The following PLVAP variants were observed in gnomAD, a reference collection of about 807,000 sequenced individuals.
PLVAP encodes plasmalemma vesicle associated protein, also known as plasmalemma vesicle-associated protein.
In PLVAP, 34 loss-of-function variants were observed where a neutral mutation model predicts 43.1. The observed-to-expected ratio is 0.79, with a 90% CI of 0.60 to 1.05. PLVAP has a LOEUF of 1.05. Among genes scored for constraint, PLVAP ranks in the 50% least tolerant of loss-of-function variants. PLVAP has a pLI of 0.00. For synonymous variants in PLVAP, 241 were observed against 237.3 expected (o/e 1.02, Z -0.14); for missense variants, 574 against 593.4 (o/e 0.97, Z 0.34).
At chr19:17,366,318 T>C in intron 1 of PLVAP, 123 bp from the exon 2 acceptor site, 1 of 827,378 alleles carries the variant, frequency 1.2e-6, no homozygotes, top group Non-Finnish European at 2.0e-6. Context: ...CATGGTCCCT[T>C]TATGAGGGAA....
chr19:17,368,003 T>C (rs1182184155), intron 1 of PLVAP, among the ~76,000 whole-genome samples: 1 of 151,692 alleles, frequency 6.6e-6, no homozygotes, highest in South Asian at 2.1e-4. Flanking sequence ...GTTCAAGTGA[T>C]TCTCCTGCCT....
intron 5 of PLVAP, among the ~76,000 whole-genome samples, chr19:17,360,070 T>C (rs1383825751): frequency 6.6e-6 from 1 of 152,150 alleles, no homozygotes; most frequent in Non-Finnish European, 1.5e-5. Flanking sequence ...TCTTGCCTGT[T>C]TGGGGTCCGA....
chr19:17,357,871 C>T (rs2074512582), intron 5 of PLVAP, among the ~76,000 whole-genome samples: 2 of 152,072 alleles, frequency 1.3e-5, no homozygotes, highest in African/African-American at 2.4e-5. Context: ...ATTGTTTTCT[C>T]GGCAGGTGGA....
intron 1 of PLVAP, among the ~76,000 whole-genome samples, chr19:17,367,388 A>G (rs2074554602): frequency 8.9e-6 from 1 of 112,820 alleles, no homozygotes; most frequent in Admixed American, 8.7e-5. Flanking sequence ...CTGATTTTTA[A>G]ATTTTTTTTT....
intron 1 of PLVAP, among the ~76,000 whole-genome samples, chr19:17,372,853 G>A (rs1367419576): frequency 3.4e-5 from 5 of 147,086 alleles, no homozygotes; most frequent in Non-Finnish European, 6.0e-5. Flanking sequence ...ACGAGGTCAG[G>A]AAATTGAGGC....
intron 1 of PLVAP, among the ~76,000 whole-genome samples, chr19:17,371,356 G>A (rs954061046): frequency 2.0e-5 from 3 of 151,546 alleles, no homozygotes; most frequent in African/African-American, 7.3e-5. Context: ...AGACGGGGTT[G>A]CACCATGTTA....
chr19:17,364,919 C>T (rs1014817870), intron 3 of PLVAP, among the ~76,000 whole-genome samples: 3 of 151,802 alleles, frequency 2.0e-5, no homozygotes, highest in East Asian at 3.9e-4. Flanking sequence ...ATTACAGGTG[C>T]CCGCCACCAC....
chr19:17,354,683 G>A (rs2074499323), intron 5 of PLVAP, among the ~76,000 whole-genome samples: 1 of 150,452 alleles, frequency 6.6e-6, no homozygotes, highest in African/African-American at 2.4e-5. Context: ...CGGATCACGA[G>A]ATGAGGAGAT....
intron 5 of PLVAP, among the ~76,000 whole-genome samples, chr19:17,357,204 A>G (rs2074510101): frequency 6.6e-6 from 1 of 152,030 alleles, no homozygotes; most frequent in Non-Finnish European, 1.5e-5. Flanking sequence ...CTGAGGCAGG[A>G]CAATTGCTTA....
chr19:17,375,666 G>T (rs1181859879), intron 1 of PLVAP, among the ~76,000 whole-genome samples: 1 of 152,064 alleles, frequency 6.6e-6, no homozygotes, highest in African/African-American at 2.4e-5. Flanking sequence ...TGGCTCACTT[G>T]AGGTCAGGAG....
intron 1 of PLVAP, 33 bp from the exon 2 acceptor site, chr19:17,366,228 G>C (rs779496242): frequency 6.2e-7 from 1 of 1,604,702 alleles, no homozygotes; most frequent in East Asian, 2.2e-5. Context: ...ACGCAGGACA[G>C]AGCTTAGTGT....
At chr19:17,358,969 T>C (rs1390704802) in intron 5 of PLVAP, among the ~76,000 whole-genome samples, 1 of 151,476 alleles carries the variant, frequency 6.6e-6, no homozygotes, top group Non-Finnish European at 1.5e-5. Context: ...CTGGGTAATT[T>C]TTGTATTTTT....
In PLVAP at chr19:17,365,592, C is replaced by A; in HGVS notation, c.873G>T (p.Arg291=). The change falls in exon 3 of 6, where the codon CGG becomes CGT. Residue 291 remains arginine, a synonymous_variant. Transcript: ENST00000252590. The part of the protein sequence containing the change: ...SKVEELARSL[R]ADIERVAREN... Reference sequence around the variant, plus strand: ...CGCGGGCCACGCGTTCGATATCCGCCCGGAGGCTCCGGGCCAGCTCCTCCA... The same window carrying A: ...CGCGGGCCACGCGTTCGATATCCGCACGGAGGCTCCGGGCCAGCTCCTCCA... 1 of 1,612,904 alleles carries A rather than the reference C, an allele frequency of 6.2e-7. No homozygotes were observed. Among genetic ancestry groups the A allele is most frequent in the Non-Finnish European group, 8.5e-7 (1 of 1,180,032 alleles).
At chr19:17,370,796 C>T (rs1410083283) in intron 1 of PLVAP, among the ~76,000 whole-genome samples, 3 of 152,124 alleles carry the variant, frequency 2.0e-5, no homozygotes, top group East Asian at 1.9e-4. Context: ...GTGGCTCACG[C>T]CTGTAATCTC....
At chr19:17,359,842 G>A (rs1022027271) in intron 5 of PLVAP, among the ~76,000 whole-genome samples, 2 of 152,076 alleles carry the variant, frequency 1.3e-5, no homozygotes, top group African/African-American at 4.8e-5. Context: ...CCAAGCATGA[G>A]CCACTGTGCC....
intron 1 of PLVAP, among the ~76,000 whole-genome samples, chr19:17,366,563 A>C (rs1001472625): frequency 6.6e-6 from 1 of 152,236 alleles, no homozygotes; most frequent in Non-Finnish European, 1.5e-5. Flanking sequence ...ACAAAGTATA[A>C]ATACATGCTA....
intron 3 of PLVAP, chr19:17,362,427 A>G (rs1340942661): frequency 1.3e-5 from 2 of 152,126 alleles, no homozygotes; most frequent in Non-Finnish European, 2.9e-5. Flanking sequence ...GTCCCCAGCC[A>G]TAACCCAGGG....
At chr19:17,353,704 A>C (rs529968104) in intron 5 of PLVAP, among the ~76,000 whole-genome samples, 1 of 152,188 alleles carries the variant, frequency 6.6e-6, no homozygotes, top group South Asian at 2.1e-4. Context: ...CTCTGGTAGA[A>C]AGTTCCAACC....
At chr19:17,357,218 CA>C (rs1214788882) in intron 5 of PLVAP, among the ~76,000 whole-genome samples, 1 of 152,024 alleles carries the variant, frequency 6.6e-6, no homozygotes, top group African/African-American at 2.4e-5. Flanking sequence ...TTGCTTAACC[CA>C]GGAGACGGAG....
Sources: gnomAD v4.1 joint callset for allele counts (sites outside exome capture counted in the v4.1 genomes callset) on GRCh38, gnomAD v4.1.1 for gene constraint, MANE v1.5 for transcripts, NCBI Gene and HGNC (gene_info 2026-07-23, HGNC 2026-07-21) for gene names.